Variants in WIPI1 observed in about 807,000 individuals in gnomAD.
WIPI1 encodes WD repeat domain phosphoinositide-interacting protein 1.
In WIPI1, 45 loss-of-function variants were observed where a neutral mutation model predicts 55.3. The ratio of observed to expected loss-of-function variants is 0.81; its 90% CI spans 0.64 to 1.04. WIPI1 has a LOEUF of 1.04. WIPI1 is among the 50% of genes least tolerant of loss of function. The probability of loss-of-function intolerance (pLI) is 0.00; values close to 1 mark genes in which losing one functional copy is unlikely to be tolerated. For synonymous variants in WIPI1, 195 were observed against 217.6 expected (o/e 0.90, Z 0.92); for missense variants, 445 against 559.0 (o/e 0.80, Z 2.06).
At chr17:68,451,290 C>T (rs1290262989) in intron 2 of WIPI1, among the ~76,000 whole-genome samples, 1 of 152,064 alleles carries the variant, frequency 6.6e-6, no homozygotes, top group East Asian at 1.9e-4. Flanking sequence ...AAAAATTAGC[C>T]AGGTATGGTG....
intron 3 of WIPI1, among the ~76,000 whole-genome samples, chr17:68,449,854 C>A (rs2084430039): frequency 6.6e-6 from 1 of 151,920 alleles, no homozygotes; most frequent in Non-Finnish European, 1.5e-5. Context: ...TAAAAAAATA[C>A]AGAAAAATTA....
At chr17:68,434,856 G>A (rs572489303) in intron 6 of WIPI1, among the ~76,000 whole-genome samples, 39 of 150,794 alleles carry the variant, frequency 2.6e-4, no homozygotes, top group South Asian at 8.3e-4. Context: ...AAGGCTCTGC[G>A]TGTATGTGTG....
At chr17:68,444,378 A>G (rs2084199314) in intron 4 of WIPI1, 115 bp downstream of exon 4, 2 of 905,688 alleles carry the variant, frequency 2.2e-6, no homozygotes. Context: ...AAACCTCACT[A>G]AGACTCAAAA....
chr17:68,444,453 A>C, intron 4 of WIPI1, 40 bp downstream of exon 4: 1 of 1,552,630 alleles, frequency 6.4e-7, no homozygotes, highest in Non-Finnish European at 8.9e-7. Flanking sequence ...GCACCAGGAC[A>C]TGAAATTTCA....
Position 68,423,755 on chromosome 17 carries a change from T to C in WIPI1, c.1294-1935A>G, listed in dbSNP as rs1377917398. 6.6e-6 allele frequency among the ~76,000 whole-genome samples: 1 copy of C among 152,164 alleles called. No homozygotes were observed. Among genetic ancestry groups the C allele is most frequent in the Non-Finnish European group, 1.5e-5 (1 of 68,024 alleles). On this transcript the variant is annotated intron_variant, in intron 12 of 12. Transcript: ENST00000262139. This position sits in a 1 kb window ranked among gnomAD's most constrained non-coding sequence, Gnocchi z 4.4. ...CCTTTTCCTTTTTACCCCAAATAAA[T>C]GATCTGCACAAGGTACCTATTATTT... is the stretch of plus-strand genomic sequence containing the variant.
intron 4 of WIPI1, among the ~76,000 whole-genome samples, chr17:68,439,324 A>G (rs989308819): frequency 3.3e-5 from 5 of 152,248 alleles, no homozygotes; most frequent in African/African-American, 1.2e-4. Flanking sequence ...GATACATGCT[A>G]CAACACAGAA....
intron 2 of WIPI1, among the ~76,000 whole-genome samples, chr17:68,452,408 T>C (rs547063134): frequency 6.6e-6 from 1 of 152,216 alleles, no homozygotes; most frequent in South Asian, 2.1e-4. Context: ...CTACTAAAAA[T>C]ACAAAAATTA....
chr17:68,443,803 G>A (rs1171902450), intron 4 of WIPI1, among the ~76,000 whole-genome samples: 1 of 152,194 alleles, frequency 6.6e-6, no homozygotes, highest in Admixed American at 6.5e-5. Flanking sequence ...TTAATCTGGA[G>A]TCATTAAATG....
Position 68,427,209 on chromosome 17 carries a change from A to C in WIPI1, c.1118T>G (p.Leu373Arg). Residue 373 changes from leucine to arginine, a missense_variant, in exon 11 of 13, where the codon CTC becomes CGC. Coordinates refer to ENST00000262139, the MANE Select transcript of WIPI1 (RefSeq NM_017983.7). ...GTTEENKEND[L>R]RPSLPQSYAA... Reference sequence around the variant, plus strand: ...ATAAGACTGAGGTAAGGAAGGTCTGAGGTCATTTTCTTTATTCTCTTCTGT... The same window carrying C: ...ATAAGACTGAGGTAAGGAAGGTCTGCGGTCATTTTCTTTATTCTCTTCTGT... 1 of 1,614,212 alleles carries C rather than the reference A, an allele frequency of 6.2e-7. No homozygotes were observed. Among genetic ancestry groups the C allele is most frequent in the South Asian group, 1.1e-5 (1 of 91,088 alleles).
chr17:68,440,515 A>T (rs1245094938), intron 4 of WIPI1, among the ~76,000 whole-genome samples: 1 of 152,172 alleles, frequency 6.6e-6, no homozygotes, highest in Admixed American at 6.5e-5. Flanking sequence ...AAAATCACCC[A>T]CAATTCTAAA....
At chr17:68,428,800 G>A (rs765086980) in intron 10 of WIPI1, 29 bp downstream of exon 10, 2 of 1,556,754 alleles carry the variant, frequency 1.3e-6, no homozygotes, top group African/African-American at 1.4e-5. Context: ...GCTCTCGAAA[G>A]GCTGTCTTTT....
At chr17:68,445,724 C>T (rs1481381304) in intron 3 of WIPI1, among the ~76,000 whole-genome samples, 5 of 152,302 alleles carry the variant, frequency 3.3e-5, no homozygotes, top group Middle Eastern at 6.8e-3. Flanking sequence ...TAACGCATAG[C>T]CCAGTACAAG....
intron 12 of WIPI1, among the ~76,000 whole-genome samples, chr17:68,424,151 A>T (rs1177194913): frequency 1.3e-5 from 2 of 152,236 alleles, no homozygotes; most frequent in African/African-American, 4.8e-5. Flanking sequence ...GTTAGGCAGC[A>T]TGCCAACAGA....
intron 1 of WIPI1, 142 bp downstream of exon 1, chr17:68,457,200 A>ATC (rs2084667096): frequency 1.0e-6 from 1 of 963,108 alleles, no homozygotes; most frequent in Non-Finnish European, 1.5e-6. Flanking sequence ...GGATAACAAG[A>ATC]TCCCAATGCG....
chr17:68,421,691 G>T lies in WIPI1; in HGVS notation c.*82C>A. 6.3e-7 allele frequency: 1 copy of T among 1,589,928 alleles called. No homozygotes were observed. Among genetic ancestry groups the T allele is most frequent in the Non-Finnish European group, 8.6e-7 (1 of 1,158,696 alleles). ...TGCCCCCCTTTCTGCTCACACAATT[G>T]CACTCCATTCTTCCGCCTTCCTTGT... is the stretch of plus-strand genomic sequence containing the variant. On this transcript the variant is annotated 3_prime_UTR_variant, in exon 13 of 13. Transcript: ENST00000262139.
chr17:68,424,594 G>A (rs774451730), intron 12 of WIPI1: 17 of 481,708 alleles, frequency 3.5e-5, no homozygotes, highest in Admixed American at 3.2e-4. Flanking sequence ...CACTACTTCC[G>A]GCCGGGTGCG....
At chr17:68,422,356 G>A (rs1486481421) in intron 12 of WIPI1, 1 of 155,318 alleles carries the variant, frequency 6.4e-6, no homozygotes, top group Non-Finnish European at 1.4e-5. Context: ...TTGAACCGGG[G>A]AGGTGGAGGC....
rs751562638 is a variant in WIPI1 at position 68,423,282 on chromosome 17, A to C, written c.1294-1462T>G. 6.6e-6 allele frequency among the ~76,000 whole-genome samples: 1 copy of C among 152,236 alleles called. No homozygotes were observed. Among genetic ancestry groups the C allele is most frequent in the Non-Finnish European group, 1.5e-5 (1 of 68,038 alleles). On this transcript the variant is annotated intron_variant, in intron 12 of 12. Transcript: ENST00000262139. The surrounding 1 kb of genome is among the most constrained non-coding windows in gnomAD (Gnocchi z 4.4). ...CATCCCTCGCTGAACATTTCTGCCA[A>C]TTCAGGCATGACTGAGATGGGCCAT...
intron 4 of WIPI1, among the ~76,000 whole-genome samples, chr17:68,437,016 A>ATGTGTG (rs71142180): frequency 0.012 from 1,681 of 144,636 alleles, 35 homozygotes; most frequent in African/African-American, 0.037. Flanking sequence ...ATATATATAT[A>ATGTGTG]TGTGTGTGTG....
Sources: gnomAD v4.1 joint callset for allele counts (sites outside exome capture counted in the v4.1 genomes callset) on GRCh38, gnomAD v4.1.1 for gene constraint, Gnocchi (gnomAD v3.1) non-coding constraint, MANE v1.5 for transcripts, NCBI Gene and HGNC (gene_info 2026-07-23, HGNC 2026-07-21) for gene names.